Variants in RAB3C observed in about 807,000 individuals in gnomAD.
The protein encoded by RAB3C is ras-related protein Rab-3C.
RAB3C carries 17 observed loss-of-function variants against 26.4 expected under a neutral mutation model. The ratio of observed to expected loss-of-function variants is 0.64; its 90% CI spans 0.44 to 0.97. The LOEUF (loss-of-function observed/expected upper bound fraction) is 0.97, where lower values mean the gene tolerates loss of function less well. Among genes scored for constraint, RAB3C ranks in the 50% least tolerant of loss-of-function variants. RAB3C has a pLI of 0.00. For missense variants in RAB3C, 242 were observed against 281.9 expected (o/e 0.86, Z 1.01); for synonymous variants, 91 against 95.9 (o/e 0.95, Z 0.30).
intron 1 of RAB3C, among the ~76,000 whole-genome samples, chr5:58,589,077 T>C (rs1746073773): frequency 1.3e-5 from 2 of 152,158 alleles, no homozygotes; most frequent in African/African-American, 4.8e-5. Context: ...GTATAGATAT[T>C]ATTTATTATA....
chr5:58,832,008 G>A (rs1353846275), intron 4 of RAB3C, among the ~76,000 whole-genome samples: 1 of 152,184 alleles, frequency 6.6e-6, no homozygotes, highest in Non-Finnish European at 1.5e-5. Context: ...AGACATGATT[G>A]AGAACCACTG....
At chr5:58,608,316 A>C (rs1183555341) in intron 1 of RAB3C, among the ~76,000 whole-genome samples, 2 of 152,220 alleles carry the variant, frequency 1.3e-5, no homozygotes, top group African/African-American at 4.8e-5. Flanking sequence ...TCTACAAAGA[A>C]TCTACAAAGA....
intron 4 of RAB3C, among the ~76,000 whole-genome samples, chr5:58,825,461 T>G (rs893915795): frequency 3.2e-4 from 48 of 152,158 alleles, no homozygotes; most frequent in Non-Finnish European, 4.7e-4. Flanking sequence ...TTATTTTTGG[T>G]TTTTTTCCCC....
chr5:58,588,933 G>A (rs1010792866), intron 1 of RAB3C, among the ~76,000 whole-genome samples: 1 of 152,032 alleles, frequency 6.6e-6, no homozygotes, highest in African/African-American at 2.4e-5. Context: ...AGAACAACCA[G>A]TACAATGTTG....
intron 2 of RAB3C, among the ~76,000 whole-genome samples, chr5:58,636,700 A>G (rs1215567746): frequency 6.6e-6 from 1 of 152,218 alleles, no homozygotes; most frequent in Non-Finnish European, 1.5e-5. Flanking sequence ...TGAAAAATAA[A>G]TCACCCAGAA....
At chr5:58,686,614 T>C (rs1354998696) in intron 2 of RAB3C, among the ~76,000 whole-genome samples, 3 of 151,932 alleles carry the variant, frequency 2.0e-5, no homozygotes, top group Non-Finnish European at 2.9e-5. Context: ...CCCTTTGTTC[T>C]ATAGCTGTCT....
At chr5:58,736,658 A>G (rs292998) in intron 3 of RAB3C, among the ~76,000 whole-genome samples, 39,196 of 152,118 alleles carry the variant, frequency 0.26, 6,309 homozygotes, top group Non-Finnish European at 0.37. Context: ...TCTGTGTCCA[A>G]ATTTCTTCTT....
At chr5:58,635,226 G>T (rs993308674) in intron 2 of RAB3C, among the ~76,000 whole-genome samples, 2 of 152,130 alleles carry the variant, frequency 1.3e-5, no homozygotes, top group Non-Finnish European at 2.9e-5. Flanking sequence ...AGACAAAGTG[G>T]GAAGAGATGT....
At chr5:58,809,163 C>T (rs10461654) in intron 3 of RAB3C, among the ~76,000 whole-genome samples, 22,997 of 152,058 alleles carry the variant, frequency 0.15, 3,006 homozygotes, top group African/African-American at 0.35. Flanking sequence ...ATCAAATTCT[C>T]GTGTAAAATA....
chr5:58,732,277 C>G (rs1386110778), intron 3 of RAB3C, among the ~76,000 whole-genome samples: 2 of 150,878 alleles, frequency 1.3e-5, no homozygotes. Context: ...AGGTAATAAC[C>G]AAGGCCAAAA....
chr5:58,826,580 A>G (rs984819938), intron 4 of RAB3C, among the ~76,000 whole-genome samples: 2 of 152,156 alleles, frequency 1.3e-5, no homozygotes, highest in Non-Finnish European at 2.9e-5. Flanking sequence ...TGCAGTAAGA[A>G]ATACTTTCAA....
intron 1 of RAB3C, among the ~76,000 whole-genome samples, chr5:58,584,864 G>A (rs1052993890): frequency 6.6e-6 from 1 of 151,824 alleles, no homozygotes; most frequent in East Asian, 1.9e-4. Context: ...TGCTTAGAAT[G>A]TTCAGAAAGG....
chr5:58,605,753 C>T (rs1746549145), intron 1 of RAB3C, among the ~76,000 whole-genome samples: 1 of 152,030 alleles, frequency 6.6e-6, no homozygotes, highest in African/African-American at 2.4e-5. Flanking sequence ...CAAAAATTAG[C>T]CGAATGTGTT....
At chr5:58,685,537 T>C (rs1748428152) in intron 2 of RAB3C, among the ~76,000 whole-genome samples, 1 of 152,160 alleles carries the variant, frequency 6.6e-6, no homozygotes, top group African/African-American at 2.4e-5. Context: ...TTCTCCCAAA[T>C]AAGACCACAT....
intron 2 of RAB3C, 126 bp downstream of exon 2, chr5:58,617,996 G>T (rs1040324783): frequency 6.4e-6 from 4 of 629,456 alleles, no homozygotes; most frequent in Non-Finnish European, 1.1e-5. Context: ...CAGCTTCTTT[G>T]CTGCAGAACA....
chr5:58,814,239 A>G (rs1743162273), intron 3 of RAB3C, among the ~76,000 whole-genome samples: 1 of 152,134 alleles, frequency 6.6e-6, no homozygotes, highest in South Asian at 2.1e-4. Context: ...TTTCATCTCA[A>G]AGTTCTACAA....
At chr5:58,583,403 G>A (rs1427116269) in intron 1 of RAB3C, 171 bp downstream of exon 1, 9 of 935,316 alleles carry the variant, frequency 9.6e-6, no homozygotes, top group African/African-American at 3.6e-5. Context: ...GCTCTGTGTG[G>A]CTGTGATTGG....
At chr5:58,733,699 C>T (rs532937877) in intron 3 of RAB3C, among the ~76,000 whole-genome samples, 2 of 152,286 alleles carry the variant, frequency 1.3e-5, no homozygotes, top group African/African-American at 4.8e-5. Context: ...AATACCAGAT[C>T]ACCGCTGAAA....
intron 2 of RAB3C, among the ~76,000 whole-genome samples, chr5:58,671,236 A>C (rs935460645): frequency 6.6e-6 from 1 of 152,176 alleles, no homozygotes; most frequent in Non-Finnish European, 1.5e-5. Context: ...TTTTTAAAAA[A>C]ATTCTCACAA....
Sources: allele counts gnomAD v4.1 joint callset (sites outside exome capture counted in the v4.1 genomes callset), GRCh38; gene constraint gnomAD v4.1.1; transcripts MANE v1.5; gene names NCBI Gene and HGNC (gene_info 2026-07-23, HGNC 2026-07-21).